The following ADGRV1 variants were observed in gnomAD, a reference collection of about 807,000 sequenced individuals.
ADGRV1 encodes G-protein coupled receptor 98.
Under a neutral mutation model 596.2 loss-of-function variants are expected in ADGRV1, and 359 were observed. The ratio of observed to expected loss-of-function variants is 0.60; its 90% confidence interval spans 0.55 to 0.66. The LOEUF (loss-of-function observed/expected upper bound fraction) is 0.66, where lower values mean the gene tolerates loss of function less well. ADGRV1 is among the 30% of genes least tolerant of loss of function. The pLI, the probability that ADGRV1 is intolerant of heterozygous loss-of-function variation, is 0.00. For synonymous variants in ADGRV1, 2,681 were observed against 2,679.2 expected, an observed-to-expected ratio of 1.00 and a Z score of -0.02; for missense variants, 7,274 against 7,575.6, an observed-to-expected ratio of 0.96 and a Z score of 1.48.
At chr5:91,150,310 T>G in intron 88 of ADGRV1, 89 bp downstream of exon 88, 1 of 1,025,100 alleles carries the variant, frequency 9.8e-7, no homozygotes, top group Non-Finnish European at 1.4e-6. Flanking sequence ...TCTGTCTGTC[T>G]CATTGACAGG....
intron 86 of ADGRV1, among the ~76,000 whole-genome samples, chr5:91,083,520 T>G (rs1409115909): frequency 6.6e-6 from 1 of 151,934 alleles, no homozygotes; most frequent in Non-Finnish European, 1.5e-5. Context: ...GTTTTTTGTT[T>G]TTTGTTTTTT....
chr5:90,595,999 G>A (rs1301427250), intron 1 of ADGRV1, among the ~76,000 whole-genome samples: 6 of 150,116 alleles, frequency 4.0e-5, no homozygotes, highest in Non-Finnish European at 7.4e-5. Context: ...CAGACGGGGC[G>A]GCTGCCGGGC....
intron 50 of ADGRV1, among the ~76,000 whole-genome samples, chr5:90,744,594 T>C (rs1754395538): frequency 6.6e-6 from 1 of 152,108 alleles, no homozygotes; most frequent in African/African-American, 2.4e-5. Flanking sequence ...ATGGACATGG[T>C]GTAATATTGT....
chr5:90,606,127 A>G (rs257848), intron 1 of ADGRV1, among the ~76,000 whole-genome samples: 27,744 of 152,090 alleles, frequency 0.18, 2,703 homozygotes, highest in East Asian at 0.4. Context: ...GCTTGTATTC[A>G]AGCTTGGGAT....
intron 53 of ADGRV1, among the ~76,000 whole-genome samples, chr5:90,751,171 G>A (rs925902844): frequency 2.6e-5 from 4 of 152,254 alleles, no homozygotes; most frequent in East Asian, 3.9e-4. Flanking sequence ...AGGATTTTGG[G>A]GAGATACATC....
chr5:90,629,590 T>G, intron 9 of ADGRV1, 51 bp downstream of exon 9: 2 of 1,229,142 alleles, frequency 1.6e-6, no homozygotes, highest in East Asian at 4.7e-5. Flanking sequence ...TCAAGTGTAC[T>G]AACCTGTGTG....
rs969001899 is a variant in ADGRV1 at position 90,853,292 on chromosome 5, C to T, written c.17213C>T (p.Thr5738Ile). The T allele has an allele frequency of 1.2e-6, 2 of 1,603,078 alleles. No homozygotes were observed. Among genetic ancestry groups the T allele is most frequent in the South Asian group, 2.2e-5 (2 of 89,486 alleles). ...TCGSPGEKSK[T>I]ILDSCPYLSI... ...TTGCTTTTCTGTTGTAGAAGCAAAA[C>T]CATCCTTGATAGTTGCCCATATTTG... Residue 5738 changes from threonine (T) to isoleucine (I), a missense_variant, in exon 80 of 90, where the codon ACC (threonine) becomes ATC (isoleucine). Thr to Ile is a moderately conservative substitution (Grantham distance 89). This residue lies in a region of ADGRV1 where 1,874 missense variants were observed against 1,970.2 expected (regional missense o/e 0.95). Transcript: ENST00000405460.
chr5:90,953,623 TCTC>T (rs1330780770), intron 83 of ADGRV1, among the ~76,000 whole-genome samples: 3 of 152,014 alleles, frequency 2.0e-5, no homozygotes, highest in African/African-American at 7.2e-5. Context: ...TGATATTTCT[TCTC>T]TAACAGTCAC....
chr5:90,637,318 G>A (rs941896027), intron 10 of ADGRV1, among the ~76,000 whole-genome samples: 2 of 151,996 alleles, frequency 1.3e-5, no homozygotes, highest in South Asian at 2.1e-4. Flanking sequence ...TTTAATCACC[G>A]GAGTTTATTT....
At chr5:90,760,398 G>A (rs1756392961) in intron 58 of ADGRV1, among the ~76,000 whole-genome samples, 2 of 152,022 alleles carry the variant, frequency 1.3e-5, no homozygotes, top group South Asian at 4.2e-4. Flanking sequence ...CACACAGTTT[G>A]ATAGTAATGT....
At chr5:90,569,375 ATATATATATATATTTTTTTTTTTT>A (rs1756132361) in intron 1 of ADGRV1, among the ~76,000 whole-genome samples, 1 of 20,956 alleles carries the variant, frequency 4.8e-5, no homozygotes, top group Admixed American at 6.8e-4. Context: ...ATATATATAT[ATATATATATATATTTTTTTTTTTT>A]TTTTTTTTTT....
Position 90,823,466 on chromosome 5 carries a change from A to C in ADGRV1, c.16238A>C (p.Asn5413Thr). ...DVKVFWRVTL[N>T]KTVVVLQKDG... is the part of the protein sequence containing the mutation. Reference sequence around the variant, plus strand: ...AAGGTCTTTTGGCGAGTCACACTTAACAAAACAGTCGTCGTGCTCCAGAAG... The same window carrying C: ...AAGGTCTTTTGGCGAGTCACACTTACCAAAACAGTCGTCGTGCTCCAGAAG... Residue 5413 changes from asparagine (N) to threonine (T), a missense_variant, in exon 76 of 90, where the codon AAC becomes ACC. By Grantham distance (65) the Asn-to-Thr change is moderately conservative. This residue lies in a region of ADGRV1 where 1,874 missense variants were observed against 1,970.2 expected (regional missense o/e 0.95). Transcript: ENST00000405460. 2 of 1,613,924 alleles carry C rather than the reference A, an allele frequency of 1.2e-6. No individual in the cohort carries two copies. The highest frequency in any genetic ancestry group is 1.7e-6 in the Non-Finnish European group (2 of 1,179,868).
rs1751028803 is a variant in ADGRV1, at chr5:90,721,581, T to TAAAATAAATAAAATATAAAAAAAC, written c.9748+530_9748+531insTAAAATATAAAAAAACAAAATAAA. Among the ~76,000 whole-genome samples the TAAAATAAATAAAATATAAAAAAAC allele has an allele frequency of 2.8e-5, 2 of 70,516 alleles. 1 individual carries two copies. The highest frequency in any genetic ancestry group is 3.3e-4 in the Admixed American group (2 of 6,122). 46.3% of individuals were successfully genotyped at this position (70,516 alleles called of 152,430 possible). ...TAAAATAAAATAAAATAAAATAAAA[T>TAAAATAAATAAAATATAAAAAAAC]AAAATAAAATATGTATTTAGTGCCT... On this transcript the variant is annotated intron_variant, in intron 45 of 89. Coordinates refer to ENST00000405460, the MANE Select transcript of ADGRV1 (RefSeq NM_032119.4).
intron 17 of ADGRV1, among the ~76,000 whole-genome samples, chr5:90,651,151 A>C (rs969362449): frequency 1.3e-5 from 2 of 152,228 alleles, no homozygotes. Flanking sequence ...CAGTGATTCC[A>C]ATGAACACAG....
intron 85 of ADGRV1, among the ~76,000 whole-genome samples, chr5:91,047,550 T>C (rs1785944471): frequency 6.6e-6 from 1 of 152,182 alleles, no homozygotes; most frequent in Non-Finnish European, 1.5e-5. Context: ...CTGCTTTTAT[T>C]CTGGCTATGC....
At chr5:90,682,564 C>T (rs1325788591) in intron 27 of ADGRV1, among the ~76,000 whole-genome samples, 1 of 152,190 alleles carries the variant, frequency 6.6e-6, no homozygotes, top group Non-Finnish European at 1.5e-5. Context: ...GCTTGCTCAG[C>T]TTCCATACGA....
At chr5:90,751,168 T>G (rs1213059037) in intron 53 of ADGRV1, among the ~76,000 whole-genome samples, 2 of 152,080 alleles carry the variant, frequency 1.3e-5, no homozygotes, top group Non-Finnish European at 2.9e-5. Context: ...AGAAGGATTT[T>G]GGGGAGATAC....
chr5:91,137,139 TTTTTC>T (rs1317292014), intron 87 of ADGRV1, among the ~76,000 whole-genome samples: 1 of 152,112 alleles, frequency 6.6e-6, no homozygotes, highest in East Asian at 1.9e-4. Context: ...CTTTTATCCT[TTTTTC>T]TTTTCTTTTT....
intron 38 of ADGRV1, among the ~76,000 whole-genome samples, 153 bp from the exon 39 acceptor site, chr5:90,708,663 T>C (rs1748925234): frequency 6.6e-6 from 1 of 152,128 alleles, no homozygotes; most frequent in Admixed American, 6.6e-5. Context: ...AATACGTTTA[T>C]GTTTATTTTT....
Sources: allele counts gnomAD v4.1 joint callset (sites outside exome capture counted in the v4.1 genomes callset), GRCh38; gene constraint gnomAD v4.1.1; regional missense constraint gnomAD v4.1.1; transcripts MANE v1.5; gene names NCBI Gene and HGNC (gene_info 2026-07-23, HGNC 2026-07-21).